The following MALRD1 variants were observed in gnomAD, a reference collection of about 807,000 sequenced individuals.
The protein encoded by MALRD1 is MAM and LDL-receptor class A domain-containing protein 1.
A neutral mutation model predicts 242.1 loss-of-function variants in MALRD1; 247 were observed. The ratio of observed to expected loss-of-function variants is 1.02; its 90% CI spans 0.92 to 1.13. The LOEUF (loss-of-function observed/expected upper bound fraction) is 1.13. Among genes scored for constraint, MALRD1 ranks in the 50% most tolerant of loss-of-function variants. MALRD1 has a pLI of 0.00. For missense variants in MALRD1, 2,989 were observed against 2,533.1 expected (o/e 1.18, Z -3.86); for synonymous variants, 995 against 866.6 (o/e 1.15, Z -2.60).
At chr10:19,352,491 AGT>A (rs10616222) in intron 26 of MALRD1, among the ~76,000 whole-genome samples, 194 bp downstream of exon 26, 118,203 of 151,926 alleles carry the variant, frequency 0.78, 46,549 homozygotes, top group African/African-American at 0.9. Context: ...ATTTTCTCCA[AGT>A]GTTTTGGTCT....
chr10:19,146,095 G>C, intron 10 of MALRD1, 103 bp from the exon 11 acceptor site: 1 of 842,526 alleles, frequency 1.2e-6, no homozygotes, highest in East Asian at 3.4e-5. Context: ...CTACCAAGCA[G>C]AATAATTTTG....
chr10:19,500,649 A>G (rs1365812598), intron 31 of MALRD1, among the ~76,000 whole-genome samples: 1 of 152,258 alleles, frequency 6.6e-6, no homozygotes. Flanking sequence ...GTCAACTTTT[A>G]AAACCTGAAG....
At chr10:19,225,998 A>T (rs529729153) in intron 18 of MALRD1, among the ~76,000 whole-genome samples, 1 of 152,316 alleles carries the variant, frequency 6.6e-6, no homozygotes, top group South Asian at 2.1e-4. Flanking sequence ...CTGATGACAG[A>T]AGTAGATGTT....
chr10:19,488,369 A>G (rs924101464), intron 29 of MALRD1, among the ~76,000 whole-genome samples: 17 of 152,298 alleles, frequency 1.1e-4, no homozygotes, highest in African/African-American at 4.1e-4. Flanking sequence ...CTGGGGGGAC[A>G]GCCAGCCATG....
intron 23 of MALRD1, among the ~76,000 whole-genome samples, chr10:19,330,663 A>T (rs1401103888): frequency 3.3e-5 from 5 of 152,156 alleles, no homozygotes; most frequent in Non-Finnish European, 7.3e-5. Context: ...AAGCAATGGT[A>T]TTGTTGATAA....
chr10:19,413,252 C>T (rs1224286072), intron 28 of MALRD1, among the ~76,000 whole-genome samples: 1 of 152,122 alleles, frequency 6.6e-6, no homozygotes, highest in Non-Finnish European at 1.5e-5. Context: ...GATTGAGGCA[C>T]TATTAATGAT....
chr10:19,287,464 T>A (rs1841180265), intron 21 of MALRD1, among the ~76,000 whole-genome samples: 1 of 152,146 alleles, frequency 6.6e-6, no homozygotes, highest in African/African-American at 2.4e-5. Flanking sequence ...GTATTCTGAT[T>A]CTTTAAATTT....
intron 31 of MALRD1, among the ~76,000 whole-genome samples, chr10:19,518,253 C>A (rs539692575): frequency 1.1e-3 from 160 of 152,282 alleles, no homozygotes; most frequent in African/African-American, 3.8e-3. Context: ...AAAGAGACAA[C>A]CTCAGACTAA....
At position 19,324,022 on chromosome 10, in the gene MALRD1, A is replaced by C; in HGVS notation, c.3493A>C (p.Thr1165Pro). 3.9e-6 allele frequency: 6 copies of C among 1,550,262 alleles called. No individual in the cohort carries two copies. Among genetic ancestry groups the C allele is most frequent in the Non-Finnish European group, 4.4e-6 (5 of 1,146,816 alleles). ...GKFGDTADILTPIISLTGPKC... is the reference protein window; with the variant it reads ...GKFGDTADILPPIISLTGPKC... Reference sequence around the variant, plus strand: ...ATTTGGTGACACGGCTGACATTCTCACTCCTATCATTTCACTCACGGGACC... The same window carrying C: ...ATTTGGTGACACGGCTGACATTCTCCCTCCTATCATTTCACTCACGGGACC... The change falls in exon 22 of 40, where the codon ACT becomes CCT. Residue 1165 changes from threonine (T) to proline (P), a missense_variant. Thr to Pro is a conservative substitution (Grantham distance 38). Coordinates refer to ENST00000454679, the MANE Select transcript of MALRD1 (RefSeq NM_001142308.3).
chr10:19,588,693 A>T lies in MALRD1; in HGVS notation c.5681-6501A>T, dbSNP rs184561274. Among the ~76,000 whole-genome samples the T allele has an allele frequency of 8.5e-5, 13 of 152,302 alleles. No individual in the cohort carries two copies. The East Asian group carries it at 2.1e-3, about 25-fold the overall frequency. ...AGTCTTGCTCTGTCGCCCAGGCTGGAATGCAATGGCGCAACCTCTGCTCAC... is the reference window on the plus strand; with the variant it reads ...AGTCTTGCTCTGTCGCCCAGGCTGGTATGCAATGGCGCAACCTCTGCTCAC... On this transcript the variant is annotated intron_variant, in intron 33 of 39. Coordinates refer to ENST00000454679, the MANE Select transcript of MALRD1 (RefSeq NM_001142308.3).
chr10:19,539,745 G>A (rs1834852665), intron 32 of MALRD1, among the ~76,000 whole-genome samples: 3 of 151,534 alleles, frequency 2.0e-5, no homozygotes, highest in Admixed American at 6.6e-5. Flanking sequence ...GGAGTGCAGT[G>A]GTGCAGTCTC....
intron 28 of MALRD1, among the ~76,000 whole-genome samples, chr10:19,390,198 TC>T (rs1455279997): frequency 1.3e-5 from 2 of 152,246 alleles, no homozygotes; most frequent in African/African-American, 4.8e-5. Flanking sequence ...TTTAGTTGTT[TC>T]CTTCCCTTTC....
intron 2 of MALRD1, among the ~76,000 whole-genome samples, chr10:19,082,755 G>C (rs919138025): frequency 3.9e-5 from 6 of 151,910 alleles, no homozygotes; most frequent in African/African-American, 1.4e-4. Flanking sequence ...TTCTGTTACT[G>C]TTTGTTGTAG....
chr10:19,450,333 G>A lies in MALRD1; in HGVS notation c.4872G>A (p.Trp1624Ter). ...CAGAGAAAGGACTATCAAAAGTATG[G>A]CAAGAAAGTAAGCAGAACCCTGGTA... is the stretch of plus-strand genomic sequence containing the variant. ...IKTEKGLSKV[W>*]QESKQNPGNH... Residue 1624 changes from tryptophan to a stop codon, truncating the protein, a stop_gained, in exon 29 of 40, where the codon TGG becomes TGA. Coordinates refer to ENST00000454679, the MANE Select transcript of MALRD1 (RefSeq NM_001142308.3). LOFTEE classifies it high-confidence loss of function. 1 of 1,548,764 alleles carries A rather than the reference G, an allele frequency of 6.5e-7. No individual in the cohort carries two copies. The highest frequency in any genetic ancestry group is 8.7e-7 in the Non-Finnish European group (1 of 1,146,824).
intron 33 of MALRD1, 25 bp downstream of exon 33, chr10:19,567,728 G>T (rs755861381): frequency 2.0e-6 from 3 of 1,536,586 alleles, no homozygotes; most frequent in Non-Finnish European, 2.6e-6. Context: ...CAGAAAATGG[G>T]AATAAGTATT....
At chr10:19,324,824 T>G (rs1564563513) in intron 22 of MALRD1, among the ~76,000 whole-genome samples, 3 of 152,020 alleles carry the variant, frequency 2.0e-5, no homozygotes, top group South Asian at 2.1e-4. Context: ...TTAAGCCCTT[T>G]TTTCCTATTA....
intron 36 of MALRD1, among the ~76,000 whole-genome samples, chr10:19,655,881 C>G (rs1467830041): frequency 6.6e-6 from 1 of 152,032 alleles, no homozygotes; most frequent in Non-Finnish European, 1.5e-5. Flanking sequence ...CTGATGCCAT[C>G]TAGCTGATTA....
intron 36 of MALRD1, among the ~76,000 whole-genome samples, chr10:19,624,820 C>T (rs938157820): frequency 2.7e-5 from 4 of 146,938 alleles, no homozygotes; most frequent in Admixed American, 7.0e-5. Flanking sequence ...GAGCTGAGAT[C>T]GCACCACTGC....
At chr10:19,624,325 A>G (rs1457981686) in intron 36 of MALRD1, among the ~76,000 whole-genome samples, 1 of 152,172 alleles carries the variant, frequency 6.6e-6, no homozygotes, top group Non-Finnish European at 1.5e-5. Flanking sequence ...GGAACATAGA[A>G]CAGTTAAGAA....
Sources: allele counts gnomAD v4.1 joint callset (sites outside exome capture counted in the v4.1 genomes callset), GRCh38; gene constraint gnomAD v4.1.1; transcripts MANE v1.5; gene names NCBI Gene and HGNC (gene_info 2026-07-23, HGNC 2026-07-21).